The following ZC2HC1B variants were observed in gnomAD, a reference collection of about 807,000 sequenced individuals.
ZC2HC1B encodes zinc finger C2HC-type containing 1B, also known as zinc finger C2HC domain-containing protein 1B.
A neutral mutation model predicts 31.0 loss-of-function variants in ZC2HC1B; 36 were observed. The observed-to-expected ratio is 1.16, with a 90% CI of 0.89 to 1.54. ZC2HC1B has a LOEUF of 1.54. Among genes scored for constraint, ZC2HC1B ranks in the 40% most tolerant of loss-of-function variants. The probability of loss-of-function intolerance (pLI) is 0.00; values close to 1 mark genes in which losing one functional copy is unlikely to be tolerated. For synonymous variants in ZC2HC1B, 73 were observed against 88.0 expected, an observed-to-expected ratio of 0.83 and a Z score of 0.95; for missense variants, 260 against 268.6, an observed-to-expected ratio of 0.97 and a Z score of 0.22.
At chr6:143,919,343 TTCTC>T (rs1198682303) in intron 6 of ZC2HC1B, among the ~76,000 whole-genome samples, 1 of 151,500 alleles carries the variant, frequency 6.6e-6, no homozygotes, top group Non-Finnish European at 1.5e-5. Flanking sequence ...GCTTGTGCCT[TTCTC>T]TGGGTGTGTC....
chr6:143,909,774 A>G (rs1777837854), intron 6 of ZC2HC1B, among the ~76,000 whole-genome samples: 1 of 151,280 alleles, frequency 6.6e-6, no homozygotes, highest in Non-Finnish European at 1.5e-5. Flanking sequence ...ATCATTTCCG[A>G]TTGTGTTTAT....
In ZC2HC1B at chr6:143,898,639, G is replaced by T; in HGVS notation, c.437G>T (p.Arg146Leu). 1.9e-6 allele frequency: 3 copies of T among 1,551,944 alleles called. No homozygotes were observed. Among genetic ancestry groups the T allele is most frequent in the South Asian group, 2.4e-5 (2 of 84,058 alleles). ...HTNFCKDQSSRRVFNPAQTAA... is the reference protein window; with the variant it reads ...HTNFCKDQSSLRVFNPAQTAA... Reference sequence around the variant, plus strand: ...AATTTCTGCAAGGATCAGTCTTCTCGCCGAGTCTTTAATCCAGCTCAGACA... The same window carrying T: ...AATTTCTGCAAGGATCAGTCTTCTCTCCGAGTCTTTAATCCAGCTCAGACA... The change falls in exon 5 of 8, where the codon CGC (arginine) becomes CTC (leucine). Residue 146 changes from arginine (R) to leucine (L), a missense_variant. Arg to Leu is a moderately radical substitution (Grantham distance 102). Transcript: ENST00000237275.
rs114288262 is a variant in ZC2HC1B, at chr6:143,884,058, A to G, written c.29-246A>G. 2.3e-3 allele frequency among the ~76,000 whole-genome samples: 347 copies of G among 152,302 alleles called. No homozygotes were observed. Among genetic ancestry groups the G allele is most frequent in the African/African-American group, 8.0e-3 (334 of 41,562 alleles). Reference sequence around the variant, plus strand: ...GAATATATTAAATATTAAATCAAATAATTATACTCTGGTTGCCTGAAGGAT... The same window carrying G: ...GAATATATTAAATATTAAATCAAATGATTATACTCTGGTTGCCTGAAGGAT... On this transcript the variant is annotated intron_variant, in intron 1 of 7. Transcript: ENST00000237275. This position sits in a 1 kb window ranked among gnomAD's most constrained non-coding sequence, Gnocchi z 5.1.
At chr6:143,874,409 C>T (rs1777382224) in intron 1 of ZC2HC1B, among the ~76,000 whole-genome samples, 1 of 152,214 alleles carries the variant, frequency 6.6e-6, no homozygotes, top group African/African-American at 2.4e-5. Context: ...GTCACTTCCA[C>T]ATTTTCGGGT....
chr6:143,930,380 T>C (rs1387125052), intron 6 of ZC2HC1B, among the ~76,000 whole-genome samples: 2 of 118,856 alleles, frequency 1.7e-5, no homozygotes, highest in African/African-American at 6.9e-5. Flanking sequence ...TTTGAGAGTT[T>C]CTTTTTTTTT....
intron 1 of ZC2HC1B, among the ~76,000 whole-genome samples, chr6:143,867,117 A>G (rs1341450472): frequency 6.6e-6 from 1 of 152,234 alleles, no homozygotes; most frequent in Non-Finnish European, 1.5e-5. Context: ...CATACGAAAT[A>G]AAGTGTTTAG....
chr6:143,928,783 T>G lies in ZC2HC1B; in HGVS notation c.599-8866T>G, dbSNP rs966320707. ...TTTCATCAGTATTTTGTAGTTTTCC[T>G]TGTAGACATCTATCACTCCTTGTTT... On this transcript the variant is annotated intron_variant, in intron 6 of 7. Transcript: ENST00000237275. Among the ~76,000 whole-genome samples the G allele has an allele frequency of 5.3e-5, 8 of 151,892 alleles. No homozygotes were observed. In the South Asian group the frequency reaches 1.0e-3, roughly 20 times the overall value.
intron 1 of ZC2HC1B, among the ~76,000 whole-genome samples, chr6:143,866,981 T>C (rs936339801): frequency 1.3e-5 from 2 of 152,148 alleles, no homozygotes; most frequent in Non-Finnish European, 2.9e-5. Flanking sequence ...CCAAAAACGT[T>C]GAGTGCCAAT....
chr6:143,881,897 A>G (rs1777473024), intron 1 of ZC2HC1B: 1 of 152,150 alleles, frequency 6.6e-6, no homozygotes. Context: ...ATCTGTCAGT[A>G]TTTTAAATTC....
rs1220511121 is a variant in ZC2HC1B at position 143,933,255 on chromosome 6, T to C, written c.599-4394T>C. Among the ~76,000 whole-genome samples the C allele has an allele frequency of 2.6e-5, 4 of 152,202 alleles. No homozygotes were observed. The highest frequency in any genetic ancestry group is 5.9e-5 in the Non-Finnish European group (4 of 68,040). On this transcript the variant is annotated intron_variant, in intron 6 of 7. Coordinates refer to ENST00000237275, the MANE Select transcript of ZC2HC1B (RefSeq NM_001013623.3). The surrounding 1 kb of genome is among the most constrained non-coding windows in gnomAD (Gnocchi z 6.4). ...GTTCTGTTATGAGTTGCTATAATGT[T>C]CTGAGTTGGTTAACCTTGAGCCAGG...
At chr6:143,873,667 G>A (rs1777372502) in intron 1 of ZC2HC1B, among the ~76,000 whole-genome samples, 1 of 152,234 alleles carries the variant, frequency 6.6e-6, no homozygotes, top group Admixed American at 6.5e-5. Context: ...AAGCTGCCAA[G>A]GCTTGGGGCT....
rs1254641377 is a variant in ZC2HC1B at position 143,868,045 on chromosome 6, T to C, written c.28+3478T>C. 6.6e-6 allele frequency among the ~76,000 whole-genome samples: 1 copy of C among 152,210 alleles called. No homozygotes were observed. Among genetic ancestry groups the C allele is most frequent in the African/African-American group, 2.4e-5 (1 of 41,452 alleles). ...GAATATAGAATTCTTGGTTGTAGAT[T>C]ATTTTACCTCAGAAGTTTAAAGGGT... On this transcript the variant is annotated intron_variant, in intron 1 of 7. Transcript: ENST00000237275. This position sits in a 1 kb window ranked among gnomAD's most constrained non-coding sequence, Gnocchi z 4.2.
chr6:143,897,454 C>G (rs1777680697), intron 4 of ZC2HC1B, among the ~76,000 whole-genome samples: 1 of 151,334 alleles, frequency 6.6e-6, no homozygotes, highest in Non-Finnish European at 1.5e-5. Flanking sequence ...TCTCATTTCT[C>G]TCCGTAACCA....
intron 6 of ZC2HC1B, among the ~76,000 whole-genome samples, chr6:143,910,990 T>C (rs1777848992): frequency 6.6e-6 from 1 of 152,136 alleles, no homozygotes; most frequent in Non-Finnish European, 1.5e-5. Flanking sequence ...TAATCTCAGG[T>C]TATTCACCTG....
intron 6 of ZC2HC1B, among the ~76,000 whole-genome samples, chr6:143,931,949 C>T (rs374168424): frequency 1.3e-5 from 2 of 151,272 alleles, no homozygotes; most frequent in African/African-American, 4.9e-5. Context: ...ACTGCAACCT[C>T]CACCTCCCAG....
intron 6 of ZC2HC1B, among the ~76,000 whole-genome samples, chr6:143,931,709 T>A (rs6570591): frequency 0.64 from 97,816 of 151,938 alleles, 31,968 homozygotes; most frequent in South Asian, 0.78. Context: ...GTTAATCTGA[T>A]ATCTTTTCCT....
At chr6:143,864,653 T>C in intron 1 of ZC2HC1B, 86 bp downstream of exon 1, 2 of 1,372,308 alleles carry the variant, frequency 1.5e-6, no homozygotes, top group Non-Finnish European at 2.0e-6. Context: ...TGGTAGGTAT[T>C]AGCTTGTTCT....
rs1778155981 is a variant in ZC2HC1B, at chr6:143,934,607, C to T, written c.599-3042C>T. Among the ~76,000 whole-genome samples the T allele has an allele frequency of 6.6e-6, 1 of 152,200 alleles. No homozygotes were observed. Among genetic ancestry groups the T allele is most frequent in the Admixed American group, 6.5e-5 (1 of 15,276 alleles). On this transcript the variant is annotated intron_variant, in intron 6 of 7. Coordinates refer to ENST00000237275, the MANE Select transcript of ZC2HC1B (RefSeq NM_001013623.3). This position sits in a 1 kb window ranked among gnomAD's most constrained non-coding sequence, Gnocchi z 4.6. ...TTTGAATTGGCCTTCATAGGAAAGA[C>T]TTCTTCCTACATATGTATCTATAGT...
chr6:143,901,250 CTTTTTTT>C (rs760366226), intron 5 of ZC2HC1B, among the ~76,000 whole-genome samples: 35 of 90,484 alleles, frequency 3.9e-4, no homozygotes, highest in African/African-American at 1.6e-3. Flanking sequence ...TTCTTTCTTC[CTTTTTTT>C]TTTTTTTTTT....
Sources: gnomAD v4.1 joint callset for allele counts (sites outside exome capture counted in the v4.1 genomes callset) on GRCh38, gnomAD v4.1.1 for gene constraint, Gnocchi (gnomAD v3.1) non-coding constraint, MANE v1.5 for transcripts, NCBI Gene and HGNC (gene_info 2026-07-23, HGNC 2026-07-21) for gene names.